Variants in PDE4B observed in about 807,000 individuals in gnomAD.
The protein encoded by PDE4B is phosphodiesterase 4B, also known as 3',5'-cyclic-AMP phosphodiesterase 4B.
PDE4B carries 20 observed loss-of-function variants against 82.2 expected under a neutral mutation model. That is an observed-to-expected ratio of 0.24 (90% confidence interval 0.17 to 0.35). The LOEUF (loss-of-function observed/expected upper bound fraction) is 0.35. Among genes scored for constraint, PDE4B ranks in the 10% least tolerant of loss-of-function variants. The pLI is 1.00. For missense variants in PDE4B, 655 were observed against 907.2 expected (o/e 0.72, Z 3.57); for synonymous variants, 320 against 318.9 (o/e 1.00, Z -0.04).
At chr1:66,001,151 G>A (rs1391196470) in intron 3 of PDE4B, among the ~76,000 whole-genome samples, 1 of 152,100 alleles carries the variant, frequency 6.6e-6, no homozygotes, top group African/African-American at 2.4e-5. Context: ...ATATGTCCAG[G>A]AATGGCAGCA....
At chr1:66,174,314 T>C (rs1436471921) in intron 3 of PDE4B, among the ~76,000 whole-genome samples, 1 of 152,224 alleles carries the variant, frequency 6.6e-6, no homozygotes, top group Non-Finnish European at 1.5e-5. Context: ...TACTTCTTAA[T>C]TTATTTGTGT....
chr1:65,842,418 T>A (rs1158984972), intron 1 of PDE4B, among the ~76,000 whole-genome samples: 7 of 152,162 alleles, frequency 4.6e-5, no homozygotes, highest in African/African-American at 1.7e-4. Context: ...GAAGTCTTAT[T>A]GAGTGGTATA....
At chr1:66,311,837 T>G (rs937166159) in intron 7 of PDE4B, among the ~76,000 whole-genome samples, 1 of 152,208 alleles carries the variant, frequency 6.6e-6, no homozygotes, top group African/African-American at 2.4e-5. Context: ...GGTGCCCTAA[T>G]GCCAGTGGAA....
chr1:65,992,862 G>T (rs1651319997), intron 3 of PDE4B: 1 of 1,596,756 alleles, frequency 6.3e-7, no homozygotes. Flanking sequence ...TGCTATGTTT[G>T]AGATTTTTGT....
At chr1:65,980,180 CACG>C (rs1209840025) in intron 3 of PDE4B, among the ~76,000 whole-genome samples, 1 of 152,096 alleles carries the variant, frequency 6.6e-6, no homozygotes, top group African/African-American at 2.4e-5. Flanking sequence ...CATTTGAAAA[CACG>C]ACATTATGCA....
chr1:66,279,486 G>T (rs1042417327), intron 7 of PDE4B, among the ~76,000 whole-genome samples: 1 of 152,220 alleles, frequency 6.6e-6, no homozygotes, highest in South Asian at 2.1e-4. Context: ...TTAGCCAGAT[G>T]TGGTGGCACA....
chr1:66,020,471 CA>C (rs1298995763), intron 3 of PDE4B, among the ~76,000 whole-genome samples: 2 of 151,650 alleles, frequency 1.3e-5, no homozygotes, highest in Admixed American at 6.6e-5. Flanking sequence ...TCCCTCCCCC[CA>C]CCCCATGGAC....
intron 3 of PDE4B, among the ~76,000 whole-genome samples, chr1:66,241,480 A>G (rs1197308881): frequency 6.6e-6 from 1 of 152,208 alleles, no homozygotes; most frequent in Non-Finnish European, 1.5e-5. Context: ...ATGATAGACA[A>G]GCATTTGAAG....
intron 3 of PDE4B, among the ~76,000 whole-genome samples, chr1:66,029,707 C>G (rs995191069): frequency 2.6e-5 from 4 of 152,110 alleles, no homozygotes; most frequent in Admixed American, 2.6e-4. Context: ...GACAAAGTTT[C>G]TTCTTAATTG....
chr1:65,916,917 A>G (rs529463922), intron 2 of PDE4B, among the ~76,000 whole-genome samples: 5 of 152,208 alleles, frequency 3.3e-5, no homozygotes, highest in Non-Finnish European at 7.3e-5. Flanking sequence ...ATACTGAACT[A>G]TGATTCTACT....
intron 1 of PDE4B, among the ~76,000 whole-genome samples, chr1:65,798,601 G>C (rs1334172556): frequency 6.6e-6 from 1 of 151,618 alleles, no homozygotes; most frequent in Non-Finnish European, 1.5e-5. Flanking sequence ...TGATCCACCT[G>C]TCTTGGCTTC....
intron 1 of PDE4B, among the ~76,000 whole-genome samples, chr1:65,899,162 G>A (rs1213619540): frequency 1.3e-5 from 2 of 151,964 alleles, no homozygotes; most frequent in Non-Finnish European, 2.9e-5. Flanking sequence ...CTAAGGACAT[G>A]AAGAGACAGT....
At chr1:66,107,727 A>T (rs1356417127) in intron 3 of PDE4B, among the ~76,000 whole-genome samples, 2 of 151,954 alleles carry the variant, frequency 1.3e-5, no homozygotes, top group Non-Finnish European at 2.9e-5. Flanking sequence ...AGATAGATAA[A>T]GTAAGTCTTT....
chr1:66,016,887 G>A (rs150550556), intron 3 of PDE4B, among the ~76,000 whole-genome samples: 10 of 152,308 alleles, frequency 6.6e-5, no homozygotes, highest in Non-Finnish European at 8.8e-5. Flanking sequence ...AGTCAGACTT[G>A]TGTTGGAGGA....
intron 3 of PDE4B, among the ~76,000 whole-genome samples, chr1:66,070,273 G>T (rs1403897778): frequency 1.3e-5 from 2 of 151,868 alleles, no homozygotes; most frequent in Admixed American, 6.6e-5. Flanking sequence ...AAAAAGGTCT[G>T]TTGAAATCTT....
At chr1:66,049,627 T>G (rs761875334) in intron 3 of PDE4B, among the ~76,000 whole-genome samples, 27 of 151,996 alleles carry the variant, frequency 1.8e-4, no homozygotes, top group Admixed American at 1.8e-3. Flanking sequence ...TGACATGATA[T>G]TTTCTAAAAC....
At chr1:65,886,559 C>A (rs1441940829) in intron 1 of PDE4B, among the ~76,000 whole-genome samples, 2 of 152,134 alleles carry the variant, frequency 1.3e-5, no homozygotes, top group African/African-American at 4.8e-5. Flanking sequence ...CCTTCTCAGC[C>A]TCTGGTATCT....
At chr1:66,277,227 C>T (rs187286320) in intron 7 of PDE4B, among the ~76,000 whole-genome samples, 88 of 152,082 alleles carry the variant, frequency 5.8e-4, no homozygotes, top group Non-Finnish European at 1.0e-3. Context: ...CAGTAAGGGA[C>T]GCAGCCACAG....
At chr1:65,883,762 G>T (rs937802474) in intron 1 of PDE4B, among the ~76,000 whole-genome samples, 20 of 152,042 alleles carry the variant, frequency 1.3e-4, no homozygotes, top group East Asian at 3.9e-4. Context: ...CTTCCAGTTT[G>T]TGCCCATTCA....
Sources: allele counts gnomAD v4.1 joint callset (sites outside exome capture counted in the v4.1 genomes callset), GRCh38; gene constraint gnomAD v4.1.1; transcripts MANE v1.5; gene names NCBI Gene and HGNC (gene_info 2026-07-23, HGNC 2026-07-21).